DNAJB5: variants seen among roughly 807,000 people sequenced by gnomAD.
DNAJB5 encodes dnaJ homolog subfamily B member 5.
In DNAJB5, 12 loss-of-function variants were observed where a neutral mutation model predicts 32.6. The observed-to-expected ratio is 0.37, with a 90% CI of 0.24 to 0.60. The LOEUF is 0.60. Ranked by LOEUF, DNAJB5 falls within the 20% of genes least tolerant of loss-of-function variation. The pLI is 0.71. For missense variants in DNAJB5, 358 were observed against 554.2 expected (o/e 0.65, Z 3.55); for synonymous variants, 188 against 212.9 (o/e 0.88, Z 1.02).
chr9:34,990,254 G>A lies in DNAJB5; in HGVS notation c.-132-245G>A. ...GGAGACTCCCGTCAGTGACTTCATTGAGTAGGTTCTTGGGGATTGGGGTCG... is the reference window on the plus strand; with the variant it reads ...GGAGACTCCCGTCAGTGACTTCATTAAGTAGGTTCTTGGGGATTGGGGTCG... On this transcript the variant is annotated intron_variant, in intron 1 of 4. Coordinates refer to ENST00000682809, the MANE Select transcript of DNAJB5 (RefSeq NM_001349723.3). This position sits in a 1 kb window ranked among gnomAD's most constrained non-coding sequence, Gnocchi z 4.5. 1 of 1,339,720 alleles carries A rather than the reference G, an allele frequency of 7.5e-7. No individual in the cohort carries two copies. Among genetic ancestry groups the A allele is most frequent in the South Asian group, 1.4e-5 (1 of 73,766 alleles). The allele number at this position is 1,339,720 out of a possible 1,614,324, so 83.0% of individuals were successfully genotyped here.
rs1455007176 is a variant in DNAJB5 at position 34,996,290 on chromosome 9, A to AGGTGGCTCC, written c.454_462dup (p.Gly152_Ser154dup). The AGGTGGCTCC allele has an allele frequency of 6.2e-7, 1 of 1,614,044 alleles. No homozygotes were observed. The highest frequency in any genetic ancestry group is 1.1e-5 in the South Asian group (1 of 91,080). The stretch of plus-strand genomic sequence containing the variant: ...GCCTGAAGACCGGCGGTGGCACATC[A>AGGTGGCTCC]GGTGGCTCCAGTGGCTCCTTTCACT... On this transcript the variant is annotated inframe_insertion, in exon 4 of 5. Coordinates refer to ENST00000682809, the MANE Select transcript of DNAJB5 (RefSeq NM_001349723.3). The surrounding 1 kb of genome is among the most constrained non-coding windows in gnomAD (Gnocchi z 7.2).
chr9:34,990,988 T>C lies in DNAJB5; in HGVS notation c.182+176T>C. On this transcript the variant is annotated intron_variant, in intron 2 of 4. Transcript: ENST00000682809. The surrounding 1 kb of genome is among the most constrained non-coding windows in gnomAD (Gnocchi z 4.5). ...AATGAATTGCACCCCTTATCATTCC[T>C]TTTCTCAAACCCTTCAGGTATCCAT... 1 of 650,304 alleles carries C rather than the reference T, an allele frequency of 1.5e-6. No homozygotes were observed. Among genetic ancestry groups the C allele is most frequent in the Non-Finnish European group, 2.6e-6 (1 of 383,982 alleles). 40.3% of individuals were successfully genotyped at this position (650,304 alleles called of 1,614,324 possible).
In DNAJB5 at chr9:34,990,843, C is replaced by G; in HGVS notation, c.182+31C>G. 1 of 1,530,952 alleles carries G rather than the reference C, an allele frequency of 6.5e-7. No homozygotes were observed. The highest frequency in any genetic ancestry group is 2.0e-4 in the Middle Eastern group (1 of 5,106). 94.8% of individuals were successfully genotyped at this position (1,530,952 alleles called of 1,614,324 possible). On this transcript the variant is annotated intron_variant, in intron 2 of 4. Coordinates refer to ENST00000682809, the MANE Select transcript of DNAJB5 (RefSeq NM_001349723.3). This position sits in a 1 kb window ranked among gnomAD's most constrained non-coding sequence, Gnocchi z 4.5. The stretch of plus-strand genomic sequence containing the variant: ...TCCCTCCGGAGAAGGGCACTCACAC[C>G]CATACCCAGTCAAACCCTCCACGCG...
intron 3 of DNAJB5, among the ~76,000 whole-genome samples, chr9:34,995,426 C>T (rs1036822467): frequency 1.3e-5 from 2 of 152,174 alleles, no homozygotes; most frequent in African/African-American, 4.8e-5. Context: ...TAGACAGGAC[C>T]TGACAGAGAG....
chr9:34,996,135 G>A lies in DNAJB5; in HGVS notation c.428-130G>A. On this transcript the variant is annotated intron_variant, in intron 3 of 4. Coordinates refer to ENST00000682809, the MANE Select transcript of DNAJB5 (RefSeq NM_001349723.3). The surrounding 1 kb of genome is among the most constrained non-coding windows in gnomAD (Gnocchi z 7.2). ...AAGCCTTTCTTACTCTATTAGCCTG[G>A]CCCTCTCTGTGGGATTTAAAGGTTG... 1.6e-6 allele frequency: 2 copies of A among 1,215,962 alleles called. No individual in the cohort carries two copies. Among genetic ancestry groups the A allele is most frequent in the Non-Finnish European group, 2.2e-6 (2 of 891,496 alleles). 75.3% of individuals were successfully genotyped at this position (1,215,962 alleles called of 1,614,324 possible). A position where few individuals can be genotyped will look rare whatever the true frequency, so the allele number is the denominator to read the frequency against.
rs779740552 is a variant in DNAJB5 at position 34,993,218 on chromosome 9, T to A, written c.201T>A (p.Ala67=). 4 of 1,613,938 alleles carry A rather than the reference T, an allele frequency of 2.5e-6. No individual in the cohort carries two copies. The South Asian group carries it at 4.4e-5, about 18-fold the overall frequency. Residue 67 remains alanine (A), a synonymous_variant, in exon 3 of 5, where the codon GCT becomes GCA. Transcript: ENST00000682809. This position sits in a 1 kb window ranked among gnomAD's most constrained non-coding sequence, Gnocchi z 4.7. ...CTTTCAGAAACAAGGAGACCAGTGC[T>A]GGTCCAGTGGCTGTGATGGGAAAAG... ...FVKFRNKETS[A]GPVAVMGKDY... is the part of the protein sequence containing the mutation.
At position 34,990,852 on chromosome 9, in the gene DNAJB5, G is replaced by A; in HGVS notation, c.182+40G>A. On this transcript the variant is annotated intron_variant, in intron 2 of 4. Transcript: ENST00000682809. The surrounding 1 kb of genome is among the most constrained non-coding windows in gnomAD (Gnocchi z 4.5). The stretch of plus-strand genomic sequence containing the variant: ...AGAAGGGCACTCACACCCATACCCA[G>A]TCAAACCCTCCACGCGGCCATCCCC... 6.6e-7 allele frequency: 1 copy of A among 1,520,448 alleles called. No individual in the cohort carries two copies. Among genetic ancestry groups the A allele is most frequent in the South Asian group, 1.3e-5 (1 of 78,636 alleles). 94.2% of individuals were successfully genotyped at this position (1,520,448 alleles called of 1,614,324 possible).
In DNAJB5 at chr9:34,990,229, G is replaced by A. The variant is rs1038364257; in HGVS notation, c.-132-270G>A. The A allele has an allele frequency of 7.6e-7, 1 of 1,322,550 alleles. No homozygotes were observed. The highest frequency in any genetic ancestry group is 9.8e-7 in the Non-Finnish European group (1 of 1,018,460). 81.9% of individuals were successfully genotyped at this position (1,322,550 alleles called of 1,614,324 possible). A position where few individuals can be genotyped will look rare whatever the true frequency, so the allele number is the denominator to read the frequency against. On this transcript the variant is annotated intron_variant, in intron 1 of 4. Coordinates refer to ENST00000682809, the MANE Select transcript of DNAJB5 (RefSeq NM_001349723.3). This position sits in a 1 kb window ranked among gnomAD's most constrained non-coding sequence, Gnocchi z 4.5. ...CTCTGCCCCGCCCATCTGCGAGGGAGGAGACTCCCGTCAGTGACTTCATTG... is the reference window on the plus strand; with the variant it reads ...CTCTGCCCCGCCCATCTGCGAGGGAAGAGACTCCCGTCAGTGACTTCATTG...
At position 34,990,890 on chromosome 9, in the gene DNAJB5, C is replaced by T; in HGVS notation, c.182+78C>T. 7.0e-7 allele frequency: 1 copy of T among 1,421,924 alleles called. No individual in the cohort carries two copies. The highest frequency in any genetic ancestry group is 9.4e-7 in the Non-Finnish European group (1 of 1,060,904). 88.1% of individuals were successfully genotyped at this position (1,421,924 alleles called of 1,614,324 possible). ...CGCGGCCATCCCCTCCATTGCCTTC[C>T]TGCTTCCTCCAACTCATCCTCATCC... On this transcript the variant is annotated intron_variant, in intron 2 of 4. Transcript: ENST00000682809. The surrounding 1 kb of genome is among the most constrained non-coding windows in gnomAD (Gnocchi z 4.5).
chr9:34,994,640 G>A (rs1827742851), intron 3 of DNAJB5, among the ~76,000 whole-genome samples: 1 of 152,176 alleles, frequency 6.6e-6, no homozygotes, highest in African/African-American at 2.4e-5. Context: ...CCTCCATTCA[G>A]CCTCACCTTT....
At chr9:34,991,589 G>A (rs948703852) in intron 2 of DNAJB5, 18 of 324,612 alleles carry the variant, frequency 5.5e-5, no homozygotes, top group African/African-American at 3.3e-4. Context: ...GAAAGAAGGT[G>A]TGGGTTGAGG....
At chr9:34,992,192 G>A (rs970815501) in intron 2 of DNAJB5, 1 of 152,350 alleles carries the variant, frequency 6.6e-6, no homozygotes, top group African/African-American at 2.4e-5. Flanking sequence ...TGGAATGGAA[G>A]AATTCGGGTT....
intron 2 of DNAJB5, chr9:34,992,769 CCAT>C: frequency 6.0e-6 from 6 of 1,006,618 alleles, no homozygotes; most frequent in Non-Finnish European, 7.1e-6. Flanking sequence ...AGCCTGGGCA[CCAT>C]GCCTGAGGCG....
rs1249314893 is a variant in DNAJB5, at chr9:34,993,878, G to A, written c.427+434G>A. The stretch of plus-strand genomic sequence containing the variant: ...CCTGGGAATTAACTACCAGAGCTCT[G>A]AGCAGAAATGGTTTTCCCCTTCTCT... On this transcript the variant is annotated intron_variant, in intron 3 of 4. Transcript: ENST00000682809. The surrounding 1 kb of genome is among the most constrained non-coding windows in gnomAD (Gnocchi z 4.7). 6.6e-6 allele frequency among the ~76,000 whole-genome samples: 1 copy of A among 152,174 alleles called. No individual in the cohort carries two copies. The highest frequency in any genetic ancestry group is 1.5e-5 in the Non-Finnish European group (1 of 68,028).
chr9:34,993,003 A>G lies in DNAJB5; in HGVS notation c.183-197A>G. On this transcript the variant is annotated intron_variant, in intron 2 of 4. Transcript: ENST00000682809. The surrounding 1 kb of genome is among the most constrained non-coding windows in gnomAD (Gnocchi z 4.7). ...ACCCAGGAGGTGAGGACGGAATCACAGAATTCTAGAATGTCAGAGCCAGAA... is the reference window on the plus strand; with the variant it reads ...ACCCAGGAGGTGAGGACGGAATCACGGAATTCTAGAATGTCAGAGCCAGAA... 4 of 1,414,942 alleles carry G rather than the reference A, an allele frequency of 2.8e-6. No homozygotes were observed. The highest frequency in any genetic ancestry group is 3.7e-6 in the Non-Finnish European group (4 of 1,089,618). The allele number at this position is 1,414,942 out of a possible 1,614,324, so 87.6% of individuals were successfully genotyped here. A position where few individuals can be genotyped will look rare whatever the true frequency, so the allele number is the denominator to read the frequency against.
chr9:34,992,346 G>A (rs1245232422), intron 2 of DNAJB5: 1 of 152,220 alleles, frequency 6.6e-6, no homozygotes, highest in Admixed American at 6.5e-5. Context: ...AGGAAATGGT[G>A]GTTGGTTAGT....
intron 2 of DNAJB5, chr9:34,991,676 C>A (rs530025096): frequency 3.9e-5 from 10 of 259,492 alleles, no homozygotes; most frequent in East Asian, 3.4e-4. Context: ...TTGCCCCCCC[C>A]CCCAACGAGG....
chr9:34,992,123 G>T (rs144563496), intron 2 of DNAJB5: 1 of 152,382 alleles, frequency 6.6e-6, no homozygotes, highest in Non-Finnish European at 1.5e-5. Flanking sequence ...GAGAGCTCTA[G>T]CTACAGGAAA....
chr9:34,998,680 G>A (rs551538905), downstream of DNAJB5: 4 of 152,250 alleles, frequency 2.6e-5, no homozygotes, highest in Admixed American at 6.5e-5. Context: ...CCCTGCTCAT[G>A]AGAGACAGAG....
Sources: gnomAD v4.1 joint callset for allele counts (sites outside exome capture counted in the v4.1 genomes callset) on GRCh38, gnomAD v4.1.1 for gene constraint, Gnocchi (gnomAD v3.1) non-coding constraint, MANE v1.5 for transcripts, NCBI Gene and HGNC (gene_info 2026-07-23, HGNC 2026-07-21) for gene names.